Variants in HYCC1 observed in about 807,000 individuals in gnomAD.
HYCC1 encodes the protein hyccin PI4KA lipid kinase complex subunit 1.
At chr7:22,929,314 T>C in the HYCC1 span, among the ~76,000 whole-genome samples, 1 of 152,096 alleles carries the variant, frequency 6.6e-6, no homozygotes, top group Non-Finnish European at 1.5e-5. Context: ...CCAAAAGCAA[T>C]GGCAACAAAA....
At chr7:22,897,151 A>G in the HYCC1 span, among the ~76,000 whole-genome samples, 1 of 152,186 alleles carries the variant, frequency 6.6e-6, no homozygotes, top group Non-Finnish European at 1.5e-5. Context: ...CAGCGATTGC[A>G]GACAGCAAGG....
the HYCC1 span, among the ~76,000 whole-genome samples, chr7:22,931,140 T>A: frequency 1.4e-5 from 2 of 148,042 alleles, no homozygotes; most frequent in Non-Finnish European, 3.0e-5. Flanking sequence ...ACGCCCCAAA[T>A]CCAATGACTA....
At chr7:22,972,957 TA>T in the HYCC1 span, among the ~76,000 whole-genome samples, 1 of 152,238 alleles carries the variant, frequency 6.6e-6, no homozygotes, top group African/African-American at 2.4e-5. Context: ...AAAAAGACTG[TA>T]ACACATTTGT....
the HYCC1 span, chr7:22,937,808 G>C: frequency 6.6e-6 from 1 of 152,172 alleles, no homozygotes; most frequent in East Asian, 1.9e-4. Flanking sequence ...GATTATATTA[G>C]AACACTTAAC....
the HYCC1 span, among the ~76,000 whole-genome samples, chr7:22,899,887 C>G: frequency 6.6e-6 from 1 of 151,316 alleles, no homozygotes; most frequent in East Asian, 1.9e-4. Flanking sequence ...ATGGTTGTCT[C>G]CTTTACAGCA....
the HYCC1 span, chr7:23,014,102 G>A: frequency 6.4e-6 from 3 of 469,858 alleles, no homozygotes; most frequent in Admixed American, 2.3e-5. Flanking sequence ...AACCCAGCCG[G>A]GAGAGCCACC....
chr7:22,969,941 G>A, the HYCC1 span, among the ~76,000 whole-genome samples: 1 of 152,112 alleles, frequency 6.6e-6, no homozygotes, highest in Non-Finnish European at 1.5e-5. Flanking sequence ...TGAATATACA[G>A]GTTTAGGAAT....
the HYCC1 span, chr7:22,946,867 G>T: frequency 2.0e-6 from 2 of 1,020,402 alleles, no homozygotes; most frequent in Non-Finnish European, 2.8e-6. Context: ...CATAATTCAT[G>T]CATTTGGATT....
chr7:22,994,503 G>A, the HYCC1 span, among the ~76,000 whole-genome samples: 1 of 152,040 alleles, frequency 6.6e-6, no homozygotes, highest in African/African-American at 2.4e-5. Flanking sequence ...AATTTGCCAA[G>A]CTAAACATTT....
the HYCC1 span, chr7:22,935,622 T>C: frequency 6.6e-6 from 1 of 152,216 alleles, no homozygotes; most frequent in Non-Finnish European, 1.5e-5. Flanking sequence ...AAAGAAGTTG[T>C]GCCAATGCTT....
At chr7:22,956,814 A>T in the HYCC1 span, among the ~76,000 whole-genome samples, 204 of 152,054 alleles carry the variant, frequency 1.3e-3, no homozygotes, top group African/African-American at 4.6e-3. Flanking sequence ...GAGCCAAGCA[A>T]ATAACAGGAC....
chr7:23,008,239 G>T, the HYCC1 span, among the ~76,000 whole-genome samples: 1 of 152,046 alleles, frequency 6.6e-6, no homozygotes, highest in Non-Finnish European at 1.5e-5. Context: ...ATCTTTCTAT[G>T]TTCCATCAGG....
chr7:22,919,745 G>T, the HYCC1 span, among the ~76,000 whole-genome samples: 1 of 151,890 alleles, frequency 6.6e-6, no homozygotes, highest in Admixed American at 6.6e-5. Context: ...ACAGAGATTA[G>T]ACAATCAGAA....
chr7:22,986,403 C>T, the HYCC1 span, among the ~76,000 whole-genome samples: 1 of 152,150 alleles, frequency 6.6e-6, no homozygotes, highest in African/African-American at 2.4e-5. Flanking sequence ...AATTTAAATA[C>T]TATTATAGCA....
At chr7:22,922,715 TG>T in the HYCC1 span, among the ~76,000 whole-genome samples, 1 of 152,028 alleles carries the variant, frequency 6.6e-6, no homozygotes. Flanking sequence ...AGTAAAAGTA[TG>T]GGAAAAGATA....
the HYCC1 span, chr7:22,946,920 A>G: frequency 6.6e-7 from 1 of 1,520,680 alleles, no homozygotes. Context: ...CTGCTGCTTA[A>G]CATGCATCAG....
chr7:22,918,512 T>C, the HYCC1 span, among the ~76,000 whole-genome samples: 7 of 152,070 alleles, frequency 4.6e-5, no homozygotes, highest in Admixed American at 1.3e-4. Flanking sequence ...ACTTCAACAC[T>C]ATTTTGTTTT....
chr7:22,925,657 A>G, the HYCC1 span, among the ~76,000 whole-genome samples: 2 of 152,154 alleles, frequency 1.3e-5, no homozygotes, highest in Non-Finnish European at 2.9e-5. Context: ...AAACGAACAA[A>G]TCCTCCAAGA....
chr7:22,932,103 TTACAAA>T, the HYCC1 span, among the ~76,000 whole-genome samples: 72 of 152,274 alleles, frequency 4.7e-4, no homozygotes, highest in South Asian at 1.9e-3. Flanking sequence ...GATATGCGAC[TTACAAA>T]TACAATCAAC....
Sources: allele counts gnomAD v4.1 joint callset (sites outside exome capture counted in the v4.1 genomes callset), GRCh38; gene constraint gnomAD v4.1.1; transcripts MANE v1.5; gene names NCBI Gene and HGNC (gene_info 2026-07-23, HGNC 2026-07-21).